Variants in VPS53 observed in about 807,000 individuals in gnomAD.
The protein encoded by VPS53 is vacuolar protein sorting-associated protein 53 homolog.
In VPS53, 70 loss-of-function variants were observed where a neutral mutation model predicts 107.0. That is an observed-to-expected ratio of 0.65 (90% CI 0.54 to 0.80). The LOEUF is 0.80. VPS53 is among the 30% of genes least tolerant of loss of function. VPS53 has a pLI of 0.00. For synonymous variants in VPS53, 409 were observed against 393.3 expected, an observed-to-expected ratio of 1.04 and a Z score of -0.47; for missense variants, 917 against 1,049.4, an observed-to-expected ratio of 0.87 and a Z score of 1.74.
chr17:594,396 A>G (rs965686515), intron 12 of VPS53, among the ~76,000 whole-genome samples: 1 of 152,182 alleles, frequency 6.6e-6, no homozygotes, highest in Non-Finnish European at 1.5e-5. Context: ...AGGCAAAGGC[A>G]CTCCTGCCTC....
chr17:633,903 C>T (rs1970070869), intron 7 of VPS53, among the ~76,000 whole-genome samples: 1 of 152,232 alleles, frequency 6.6e-6, no homozygotes, highest in Non-Finnish European at 1.5e-5. Flanking sequence ...GGTCACAGGA[C>T]AGCTTCCAGA....
chr17:591,211 G>A (rs1967627673), intron 12 of VPS53, among the ~76,000 whole-genome samples: 1 of 152,192 alleles, frequency 6.6e-6, no homozygotes, highest in African/African-American at 2.4e-5. Context: ...ATTTCTGTGG[G>A]ATCGGTGGTG....
chr17:549,731 G>T (rs1416264836), intron 17 of VPS53, among the ~76,000 whole-genome samples: 1 of 152,100 alleles, frequency 6.6e-6, no homozygotes, highest in Non-Finnish European at 1.5e-5. Flanking sequence ...GCAGCGAGGG[G>T]ATCATGAGAG....
chr17:551,954 CA>C lies in VPS53; in HGVS notation c.1788-5del, dbSNP rs773336598. The C allele has an allele frequency of 1.8e-5, 28 of 1,582,870 alleles. No homozygotes were observed. In the South Asian group the frequency reaches 3.0e-4, roughly 17 times the overall value. On this transcript the variant is annotated splice_region_variant and splice_polypyrimidine_tract_variant and intron_variant, in intron 16 of 21. Coordinates refer to ENST00000437048, the MANE Select transcript of VPS53 (RefSeq NM_001128159.3). ...CTGAATACTGCTGGAGATGACGCTG[CA>C]AATCAAACAAATCACTGTGGTCACC... is the stretch of plus-strand genomic sequence containing the variant.
At chr17:522,251 C>G (rs565413938) in intron 19 of VPS53, among the ~76,000 whole-genome samples, 2 of 152,292 alleles carry the variant, frequency 1.3e-5, no homozygotes, top group African/African-American at 4.8e-5. Context: ...GAGGGAGACC[C>G]TGCCTCAGTA....
intron 4 of VPS53, among the ~76,000 whole-genome samples, chr17:695,376 C>T (rs758345533): frequency 1.3e-5 from 2 of 152,010 alleles, no homozygotes; most frequent in Admixed American, 1.3e-4. Flanking sequence ...TTGGGAAATG[C>T]GGCGGCTTAA....
Position 515,312 on chromosome 17 carries a change from G to C in VPS53, c.*3816C>G, listed in dbSNP as rs1908219323. ...AATGGCATGATCTCGGCTCACTGCAGCCTCTGCCTCCTGGGTTCAAGCGAT... is the reference window on the plus strand; with the variant it reads ...AATGGCATGATCTCGGCTCACTGCACCCTCTGCCTCCTGGGTTCAAGCGAT... On this transcript the variant is annotated 3_prime_UTR_variant, in exon 22 of 22. Coordinates refer to ENST00000437048, the MANE Select transcript of VPS53 (RefSeq NM_001128159.3). 6.6e-6 allele frequency: 1 copy of C among 152,106 alleles called. No individual in the cohort carries two copies. The highest frequency in any genetic ancestry group is 6.6e-5 in the Admixed American group (1 of 15,250). The allele number at this position is 152,106 out of a possible 1,614,324, so 9.4% of individuals were successfully genotyped here.
intron 11 of VPS53, among the ~76,000 whole-genome samples, chr17:619,305 G>A (rs1022942845): frequency 1.4e-5 from 2 of 146,228 alleles, no homozygotes; most frequent in African/African-American, 5.1e-5. Context: ...CCGGGTAGCT[G>A]GGACTACAGG....
chr17:660,945 G>A (rs1159174390), intron 5 of VPS53, among the ~76,000 whole-genome samples: 1 of 152,116 alleles, frequency 6.6e-6, no homozygotes, highest in African/African-American at 2.4e-5. Context: ...AGGAGGAGAA[G>A]GTGAATGCTG....
At chr17:529,366 T>G (rs1023919242) in intron 19 of VPS53, among the ~76,000 whole-genome samples, 1 of 149,426 alleles carries the variant, frequency 6.7e-6, no homozygotes, top group African/African-American at 2.5e-5. Context: ...ATCTAACTTT[T>G]AAAATCAGCA....
intron 4 of VPS53, among the ~76,000 whole-genome samples, chr17:693,922 C>T (rs1038534347): frequency 9.9e-5 from 15 of 152,192 alleles, no homozygotes; most frequent in Admixed American, 9.2e-4. Flanking sequence ...CGTGGGGCCT[C>T]TTGACCTACA....
chr17:595,841 G>A (rs1967944416), intron 12 of VPS53, among the ~76,000 whole-genome samples: 1 of 133,588 alleles, frequency 7.5e-6, no homozygotes, highest in Non-Finnish European at 1.6e-5. Context: ...GAGGAAGCTG[G>A]GAGATGGGAA....
chr17:639,444 G>A (rs1970333340), intron 7 of VPS53, among the ~76,000 whole-genome samples: 1 of 152,216 alleles, frequency 6.6e-6, no homozygotes, highest in Non-Finnish European at 1.5e-5. Context: ...GTCCAGCTTT[G>A]TTCCATTGCT....
rs1336623770 is a variant in VPS53, at chr17:646,380, G to A, written c.608+6911C>T. Among the ~76,000 whole-genome samples the A allele has an allele frequency of 9.7e-5, 12 of 123,498 alleles. 3 individuals are homozygous for A. The highest frequency in any genetic ancestry group is 1.2e-4 in the Non-Finnish European group (7 of 56,452). The allele number at this position is 123,498 out of a possible 152,430, so 81.0% of individuals were successfully genotyped here. A position where few individuals can be genotyped will look rare whatever the true frequency, so the allele number is the denominator to read the frequency against. On this transcript the variant is annotated intron_variant, in intron 7 of 21. Transcript: ENST00000437048. Reference sequence around the variant, plus strand: ...GAGATCGGCTCCCACACACATCTCCGTGACCGTGTGGCCACTGCCTCCTAA... The same window carrying A: ...GAGATCGGCTCCCACACACATCTCCATGACCGTGTGGCCACTGCCTCCTAA...
chr17:681,261 C>T (rs977047934), intron 4 of VPS53, among the ~76,000 whole-genome samples: 3 of 152,150 alleles, frequency 2.0e-5, no homozygotes, highest in Non-Finnish European at 4.4e-5. Context: ...CTCAGCCTCC[C>T]GAGTAGCTGG....
chr17:602,073 T>C (rs973827202), intron 11 of VPS53, among the ~76,000 whole-genome samples, 177 bp from the exon 12 acceptor site: 1 of 152,174 alleles, frequency 6.6e-6, no homozygotes, highest in Non-Finnish European at 1.5e-5. Context: ...GCTTTCCCTC[T>C]TCCTGCAACC....
intron 2 of VPS53, among the ~76,000 whole-genome samples, chr17:701,443 T>C (rs536977945): frequency 6.6e-6 from 1 of 151,966 alleles, no homozygotes; most frequent in Non-Finnish European, 1.5e-5. Context: ...AATGGCGCGA[T>C]CTCGGCTCAC....
intron 1 of VPS53, among the ~76,000 whole-genome samples, chr17:713,883 A>ACCCC (rs879613085): frequency 0.02 from 2,808 of 142,508 alleles, 41 homozygotes; most frequent in East Asian, 0.072. Context: ...TTTACCCCAA[A>ACCCC]AAAAAAAAAA....
intron 10 of VPS53, 45 bp from the exon 11 acceptor site, chr17:623,719 T>C: frequency 6.3e-7 from 1 of 1,576,858 alleles, no homozygotes; most frequent in Non-Finnish European, 8.7e-7. Context: ...AGCTGATCAT[T>C]CATTCAGTAG....
Sources: gnomAD v4.1 joint callset for allele counts (sites outside exome capture counted in the v4.1 genomes callset) on GRCh38, gnomAD v4.1.1 for gene constraint, MANE v1.5 for transcripts, NCBI Gene and HGNC (gene_info 2026-07-23, HGNC 2026-07-21) for gene names.